CNTNAP5: variants seen among roughly 807,000 people sequenced by gnomAD.
CNTNAP5 encodes contactin associated protein family member 5.
Under a neutral mutation model 150.2 loss-of-function variants are expected in CNTNAP5, and 72 were observed. That is an observed-to-expected ratio of 0.48 (90% CI 0.40 to 0.58). CNTNAP5 has a LOEUF of 0.58. Ranked by LOEUF, CNTNAP5 falls within the 20% of genes least tolerant of loss-of-function variation. The pLI is 0.00. For synonymous variants in CNTNAP5, 672 were observed against 619.8 expected (o/e 1.08, Z -1.25); for missense variants, 1,636 against 1,626.2 (o/e 1.01, Z -0.10).
chr2:124,667,261 A>G (rs1678719897), intron 13 of CNTNAP5, among the ~76,000 whole-genome samples: 1 of 152,192 alleles, frequency 6.6e-6, no homozygotes, highest in East Asian at 1.9e-4. Flanking sequence ...TTCCTGCTAA[A>G]TGGAGGATGG....
chr2:124,542,721 G>C (rs1480429278), intron 10 of CNTNAP5, among the ~76,000 whole-genome samples: 9 of 152,120 alleles, frequency 5.9e-5, no homozygotes, highest in Non-Finnish European at 1.3e-4. Context: ...CCCAACCATA[G>C]TCATGACTGG....
intron 21 of CNTNAP5, among the ~76,000 whole-genome samples, chr2:124,895,353 T>A (rs994176572): frequency 6.6e-6 from 1 of 151,506 alleles, no homozygotes. Flanking sequence ...ACACCAGGTA[T>A]GGTGGCTCAC....
intron 3 of CNTNAP5, among the ~76,000 whole-genome samples, chr2:124,303,707 T>G (rs1688617835): frequency 6.6e-6 from 1 of 152,164 alleles, no homozygotes. Flanking sequence ...ATGACCTAAC[T>G]CACCTTCTGA....
At chr2:124,870,248 A>G (rs1241739824) in intron 21 of CNTNAP5, among the ~76,000 whole-genome samples, 5 of 151,152 alleles carry the variant, frequency 3.3e-5, no homozygotes, top group Admixed American at 6.6e-5. Context: ...TTTTTTATCT[A>G]CTTGATGAAG....
Position 124,914,950 on chromosome 2 carries a change from C to T in CNTNAP5, c.*662C>T, listed in dbSNP as rs562072244. On this transcript the variant is annotated 3_prime_UTR_variant, in exon 24 of 24. Transcript: ENST00000682447. ...CTTTGTTCCTTTCTTACCACTCTCT[C>T]CTGGGGCCGACACGTTGGGACAGCA... 4.6e-5 allele frequency: 7 copies of T among 152,186 alleles called. No individual in the cohort carries two copies. Among genetic ancestry groups the T allele is most frequent in the Admixed American group, 3.3e-4 (5 of 15,266 alleles). 9.4% of individuals were successfully genotyped at this position (152,186 alleles called of 1,614,324 possible).
At chr2:124,779,633 C>T (rs986686676) in intron 17 of CNTNAP5, among the ~76,000 whole-genome samples, 2 of 152,148 alleles carry the variant, frequency 1.3e-5, no homozygotes, top group Non-Finnish European at 2.9e-5. Flanking sequence ...CTCTTCCTCT[C>T]CTACTTTCTT....
Position 124,750,115 on chromosome 2 carries a change from A to T in CNTNAP5, c.2234+2730A>T, listed in dbSNP as rs539156578. 9.9e-5 allele frequency among the ~76,000 whole-genome samples: 15 copies of T among 152,152 alleles called. No homozygotes were observed. In the South Asian group the frequency reaches 2.7e-3, roughly 27 times the overall value. ...TCCAGAAGTTATTACATATTTCATG[A>T]CCCTTTCCATTTCCTTTAGAGCCAG... On this transcript the variant is annotated intron_variant, in intron 14 of 23. Coordinates refer to ENST00000682447, the MANE Select transcript of CNTNAP5 (RefSeq NM_001367498.1).
At chr2:124,340,901 GAC>G (rs915493764) in intron 3 of CNTNAP5, among the ~76,000 whole-genome samples, 1 of 138,024 alleles carries the variant, frequency 7.2e-6, no homozygotes, top group African/African-American at 2.6e-5. Flanking sequence ...TATATATATA[GAC>G]ACACACACAT....
intron 3 of CNTNAP5, among the ~76,000 whole-genome samples, chr2:124,355,258 TA>T (rs144415736): frequency 0.036 from 5,470 of 152,280 alleles, 350 homozygotes; most frequent in African/African-American, 0.12. Context: ...AGGTGGATTT[TA>T]AAAGTCTGCT....
At chr2:124,045,937 CTG>C (rs1029021936) in intron 1 of CNTNAP5, among the ~76,000 whole-genome samples, 36 of 152,244 alleles carry the variant, frequency 2.4e-4, no homozygotes, top group African/African-American at 7.5e-4. Flanking sequence ...GCACTCATCA[CTG>C]TGTGTATATC....
intron 13 of CNTNAP5, 71 bp from the exon 14 acceptor site, chr2:124,747,156 TCA>T (rs1376468854): frequency 9.7e-6 from 14 of 1,442,402 alleles, no homozygotes; most frequent in Non-Finnish European, 1.3e-5. Context: ...TATTTTCAGC[TCA>T]GTTTCTGTGC....
chr2:124,757,747 G>A (rs150922966), intron 14 of CNTNAP5, among the ~76,000 whole-genome samples: 3 of 152,208 alleles, frequency 2.0e-5, no homozygotes, highest in South Asian at 2.1e-4. Flanking sequence ...AGGCATCCAC[G>A]GATATAAGTT....
intron 1 of CNTNAP5, among the ~76,000 whole-genome samples, chr2:124,051,426 G>A (rs1314994825): frequency 1.3e-5 from 2 of 152,182 alleles, no homozygotes; most frequent in African/African-American, 4.8e-5. Context: ...GCACTCTAGG[G>A]TGTTGCCAAT....
chr2:124,865,711 T>C (rs1440247942), intron 20 of CNTNAP5, among the ~76,000 whole-genome samples: 3 of 152,118 alleles, frequency 2.0e-5, no homozygotes. Context: ...TTTGGGAGTC[T>C]GAGGCGGGCA....
At chr2:124,139,508 G>GTAAA (rs1684055435) in intron 1 of CNTNAP5, among the ~76,000 whole-genome samples, 1 of 152,008 alleles carries the variant, frequency 6.6e-6, no homozygotes, top group Non-Finnish European at 1.5e-5. Context: ...CCCTTCACCT[G>GTAAA]GTAGTTTACT....
At chr2:124,893,824 C>T (rs1166660082) in intron 21 of CNTNAP5, among the ~76,000 whole-genome samples, 3 of 152,194 alleles carry the variant, frequency 2.0e-5, no homozygotes, top group Middle Eastern at 3.4e-3. Context: ...GGTCATTCAA[C>T]TTAGGCTCTC....
intron 7 of CNTNAP5, among the ~76,000 whole-genome samples, chr2:124,475,598 A>G (rs1177531236): frequency 8.5e-5 from 13 of 152,090 alleles, no homozygotes; most frequent in Admixed American, 8.5e-4. Flanking sequence ...CACATTTAGT[A>G]TGCTATGTAT....
intron 1 of CNTNAP5, among the ~76,000 whole-genome samples, chr2:124,157,596 G>A (rs994368406): frequency 6.6e-6 from 1 of 152,040 alleles, no homozygotes; most frequent in Non-Finnish European, 1.5e-5. Flanking sequence ...GAAAGAAGGG[G>A]TCCATACAAA....
chr2:124,031,614 A>G (rs143765999), intron 1 of CNTNAP5, among the ~76,000 whole-genome samples: 4 of 152,146 alleles, frequency 2.6e-5, no homozygotes, highest in Non-Finnish European at 4.4e-5. Context: ...TATGTATCAC[A>G]TGGCCATTTG....
Sources: allele counts gnomAD v4.1 joint callset (sites outside exome capture counted in the v4.1 genomes callset), GRCh38; gene constraint gnomAD v4.1.1; transcripts MANE v1.5; gene names NCBI Gene and HGNC (gene_info 2026-07-23, HGNC 2026-07-21).